The following MSRB3 variants were observed in gnomAD, a reference collection of about 807,000 sequenced individuals.
The protein encoded by MSRB3 is methionine sulfoxide reductase B3.
A neutral mutation model predicts 21.0 loss-of-function variants in MSRB3; 13 were observed. That is an observed-to-expected ratio of 0.62 (90% confidence interval 0.40 to 0.98). MSRB3 has a LOEUF of 0.98. MSRB3 is among the 50% of genes least tolerant of loss of function. MSRB3 has a pLI of 0.00. For synonymous variants in MSRB3, 87 were observed against 88.6 expected (o/e 0.98, Z 0.10); for missense variants, 199 against 230.3 (o/e 0.86, Z 0.88).
intron 2 of MSRB3, 41 bp from the exon 3 acceptor site, chr12:65,326,785 A>T (rs1195824814): frequency 4.6e-6 from 7 of 1,515,008 alleles, no homozygotes; most frequent in Non-Finnish European, 6.4e-6. Flanking sequence ...TTAGGATTCA[A>T]GCTAAAAAGG....
chr12:65,375,583 C>A (rs1475010707), intron 5 of MSRB3, among the ~76,000 whole-genome samples: 1 of 151,842 alleles, frequency 6.6e-6, no homozygotes, highest in Admixed American at 6.6e-5. Flanking sequence ...AATACAGGTG[C>A]ACACCACCAT....
At chr12:65,389,827 G>T (rs535731856) in intron 5 of MSRB3, among the ~76,000 whole-genome samples, 1 of 152,186 alleles carries the variant, frequency 6.6e-6, no homozygotes. Context: ...GCATGGCCCT[G>T]CTGGAGGAAA....
chr12:65,425,166 A>C (rs1449747174), intron 5 of MSRB3, among the ~76,000 whole-genome samples: 1 of 151,496 alleles, frequency 6.6e-6, no homozygotes, highest in Non-Finnish European at 1.5e-5. Flanking sequence ...TCTGATATAA[A>C]TATAGCTACA....
intron 5 of MSRB3, among the ~76,000 whole-genome samples, chr12:65,403,319 A>G (rs1880234397): frequency 6.6e-6 from 1 of 152,216 alleles, no homozygotes; most frequent in African/African-American, 2.4e-5. Flanking sequence ...GGAGGAAGCT[A>G]GACAGGTAGT....
intron 5 of MSRB3, among the ~76,000 whole-genome samples, chr12:65,372,765 T>TTGCA (rs1383017545): frequency 6.6e-6 from 1 of 152,186 alleles, no homozygotes; most frequent in Non-Finnish European, 1.5e-5. Flanking sequence ...GTGGAGCATA[T>TTGCA]TGCATGATAG....
intron 4 of MSRB3, among the ~76,000 whole-genome samples, chr12:65,360,142 C>G (rs1247884355): frequency 6.6e-6 from 1 of 152,076 alleles, no homozygotes; most frequent in Non-Finnish European, 1.5e-5. Flanking sequence ...TAGGGTCCCC[C>G]TGGATGACAT....
At chr12:65,323,077 A>G (rs1439576640) in intron 2 of MSRB3, among the ~76,000 whole-genome samples, 4 of 152,242 alleles carry the variant, frequency 2.6e-5, no homozygotes, top group African/African-American at 9.6e-5. Context: ...ATACAATTTT[A>G]ACCTCAGAAT....
At position 65,313,481 on chromosome 12, in the gene MSRB3, T is replaced by C. The variant is rs575501402; in HGVS notation, c.76+4826T>C. Among the ~76,000 whole-genome samples, 125 of 151,592 alleles carry C rather than the reference T, an allele frequency of 8.2e-4. 1 individual carries two copies. The highest frequency in any genetic ancestry group is 1.8e-3 in the Admixed American group (27 of 15,226). ...CTTTGATAAAAGTTATGACCTTCTT[T>C]TCCAGAAAAGACATATATGCATCTA... On this transcript the variant is annotated intron_variant, in intron 2 of 6. Coordinates refer to ENST00000308259, the MANE Select transcript of MSRB3 (RefSeq NM_001031679.3).
At chr12:65,392,446 A>G (rs1879533645) in intron 5 of MSRB3, among the ~76,000 whole-genome samples, 1 of 152,220 alleles carries the variant, frequency 6.6e-6, no homozygotes, top group South Asian at 2.1e-4. Flanking sequence ...AACTAGCTCT[A>G]ATCCCATATA....
intron 5 of MSRB3, among the ~76,000 whole-genome samples, chr12:65,402,524 T>C (rs1266879720): frequency 1.3e-5 from 2 of 152,206 alleles, no homozygotes; most frequent in Admixed American, 6.5e-5. Flanking sequence ...TAACCTTTCT[T>C]CAAGGTTCTT....
intron 5 of MSRB3, among the ~76,000 whole-genome samples, chr12:65,391,351 T>C (rs993337664): frequency 1.3e-5 from 2 of 152,172 alleles, no homozygotes; most frequent in African/African-American, 4.8e-5. Flanking sequence ...TAAAGATGAG[T>C]TGGCTCCTTC....
At chr12:65,297,378 A>G (rs1289358055) in intron 1 of MSRB3, among the ~76,000 whole-genome samples, 1 of 152,212 alleles carries the variant, frequency 6.6e-6, no homozygotes, top group Non-Finnish European at 1.5e-5. Flanking sequence ...GGAACTTAAA[A>G]TAAAAATAAA....
At chr12:65,301,680 G>T (rs1276449720) in intron 1 of MSRB3, among the ~76,000 whole-genome samples, 1 of 152,190 alleles carries the variant, frequency 6.6e-6, no homozygotes, top group East Asian at 1.9e-4. Context: ...GTAACAGTAT[G>T]AGAATTTCGT....
intron 5 of MSRB3, among the ~76,000 whole-genome samples, chr12:65,406,702 T>C (rs1400066218): frequency 6.6e-6 from 1 of 152,196 alleles, no homozygotes; most frequent in African/African-American, 2.4e-5. Context: ...TACAAATCTA[T>C]GCTATGGTTT....
chr12:65,365,582 A>G (rs1411716614), intron 4 of MSRB3, among the ~76,000 whole-genome samples: 1 of 152,132 alleles, frequency 6.6e-6, no homozygotes, highest in Non-Finnish European at 1.5e-5. Context: ...TCCACAACCC[A>G]TAGTAATGCA....
intron 5 of MSRB3, among the ~76,000 whole-genome samples, chr12:65,424,991 C>A (rs1162883719): frequency 8.2e-3 from 1 of 122 alleles, no homozygotes; most frequent in Non-Finnish European, 0.015. Flanking sequence ...ATATATATAT[C>A]TCAATATTTG....
intron 4 of MSRB3, among the ~76,000 whole-genome samples, chr12:65,337,852 A>T (rs1875884720): frequency 6.6e-6 from 1 of 152,162 alleles, no homozygotes; most frequent in Non-Finnish European, 1.5e-5. Flanking sequence ...TGGATTTTAA[A>T]TTCTCCAAAT....
chr12:65,363,816 T>G (rs771422546), intron 4 of MSRB3, among the ~76,000 whole-genome samples: 59 of 152,034 alleles, frequency 3.9e-4, no homozygotes, highest in Non-Finnish European at 4.0e-4. Context: ...TGAAACCCCG[T>G]CTCTACTAAA....
intron 1 of MSRB3, among the ~76,000 whole-genome samples, chr12:65,292,621 C>T (rs908981039): frequency 2.6e-5 from 4 of 152,020 alleles, no homozygotes; most frequent in African/African-American, 7.2e-5. Flanking sequence ...CTTAGACAAT[C>T]TTATTTATTC....
Sources: gnomAD v4.1 joint callset for allele counts (sites outside exome capture counted in the v4.1 genomes callset) on GRCh38, gnomAD v4.1.1 for gene constraint, MANE v1.5 for transcripts, NCBI Gene and HGNC (gene_info 2026-07-23, HGNC 2026-07-21) for gene names.